The following CNTNAP2 variants were observed in gnomAD, a reference collection of about 807,000 sequenced individuals.
CNTNAP2 encodes contactin-associated protein-like 2.
A neutral mutation model predicts 155.2 loss-of-function variants in CNTNAP2; 98 were observed. The observed-to-expected ratio is 0.63, with a 90% confidence interval of 0.54 to 0.75. CNTNAP2 has a LOEUF of 0.75. Ranked by LOEUF, CNTNAP2 falls within the 30% of genes least tolerant of loss-of-function variation. CNTNAP2 has a pLI of 0.00. For missense variants in CNTNAP2, 1,727 were observed against 1,688.1 expected, an observed-to-expected ratio of 1.02 and a Z score of -0.40; for synonymous variants, 651 against 631.2, an observed-to-expected ratio of 1.03 and a Z score of -0.47.
intron 18 of CNTNAP2, chr7:148,190,009 A>ACGGCTGC (rs1562989343): frequency 6.6e-6 from 1 of 152,192 alleles, no homozygotes; most frequent in Non-Finnish European, 1.5e-5. Context: ...AGCTCTCCTG[A>ACGGCTGC]CACCTGTGCT....
intron 1 of CNTNAP2, among the ~76,000 whole-genome samples, chr7:146,141,579 C>T (rs891577715): frequency 6.6e-6 from 1 of 151,980 alleles, no homozygotes; most frequent in African/African-American, 2.4e-5. Flanking sequence ...GTTTTAGATT[C>T]ACTTGTGAAT....
At chr7:147,236,535 A>C (rs1309904797) in intron 8 of CNTNAP2, among the ~76,000 whole-genome samples, 2 of 141,812 alleles carry the variant, frequency 1.4e-5, no homozygotes, top group Non-Finnish European at 3.1e-5. Flanking sequence ...GTTTGTACTC[A>C]CTCTCACTTG....
chr7:146,469,518 CTTTT>C (rs544057518), intron 1 of CNTNAP2, among the ~76,000 whole-genome samples: 2 of 129,062 alleles, frequency 1.5e-5, no homozygotes, highest in African/African-American at 5.8e-5. Context: ...TAATAATTGA[CTTTT>C]TTTTTTTTTT....
rs1313299572 is a variant in CNTNAP2, at chr7:147,120,521, C to CT, written c.755-453dup. ...CAGTCATAAAACACTCATTTTCCCC[C>CT]TTTTTAAAAAAGCACTTTTTTCCAT... On this transcript the variant is annotated intron_variant, in intron 5 of 23. Coordinates refer to ENST00000361727, the MANE Select transcript of CNTNAP2 (RefSeq NM_014141.6). 2.0e-5 allele frequency among the ~76,000 whole-genome samples: 3 copies of CT among 152,126 alleles called. No individual in the cohort carries two copies. The East Asian group carries it at 5.8e-4, about 29-fold the overall frequency.
chr7:147,632,036 A>G (rs1795094982), intron 12 of CNTNAP2, among the ~76,000 whole-genome samples: 1 of 152,218 alleles, frequency 6.6e-6, no homozygotes, highest in Non-Finnish European at 1.5e-5. Flanking sequence ...TCAGCAGAGT[A>G]AACAGACAAC....
intron 3 of CNTNAP2, among the ~76,000 whole-genome samples, chr7:146,856,229 G>GT (rs1562974951): frequency 6.6e-6 from 1 of 151,576 alleles, no homozygotes; most frequent in Non-Finnish European, 1.5e-5. Flanking sequence ...TGATAGGTAG[G>GT]TAGGTAGACA....
Position 146,796,852 on chromosome 7 carries a change from C to G in CNTNAP2, c.208+22471C>G, listed in dbSNP as rs1035578346. ...GTGAAGCACTCATTAAGAAAACATT[C>G]TTGGCCGGGCGCGGTGGCTCACACC... On this transcript the variant is annotated intron_variant, in intron 2 of 23. Coordinates refer to ENST00000361727, the MANE Select transcript of CNTNAP2 (RefSeq NM_014141.6). Among the ~76,000 whole-genome samples, 7 of 152,082 alleles carry G rather than the reference C, an allele frequency of 4.6e-5. 1 individual carries two copies. The Middle Eastern group carries it at 0.017, about 369-fold the overall frequency.
intron 4 of CNTNAP2, among the ~76,000 whole-genome samples, chr7:147,073,200 T>A (rs1241302291): frequency 4.7e-5 from 7 of 147,562 alleles, no homozygotes; most frequent in African/African-American, 1.8e-4. Flanking sequence ...GAAAATGTGG[T>A]ACATATATTC....
chr7:147,614,877 G>A (rs1801252352), intron 12 of CNTNAP2, among the ~76,000 whole-genome samples: 1 of 151,394 alleles, frequency 6.6e-6, no homozygotes, highest in Non-Finnish European at 1.5e-5. Flanking sequence ...AATGTACTAT[G>A]TTGCATTAAT....
chr7:147,623,232 G>A lies in CNTNAP2; in HGVS notation c.1898-15874G>A, dbSNP rs141544420. On this transcript the variant is annotated intron_variant, in intron 12 of 23. Coordinates refer to ENST00000361727, the MANE Select transcript of CNTNAP2 (RefSeq NM_014141.6). ...CCTACTTTCACCACTGTTATTCAAC[G>A]TAATACTGAAAGTCCTAAGCTAGAG... 5.7e-3 allele frequency among the ~76,000 whole-genome samples: 865 copies of A among 152,104 alleles called. 9 individuals carry two copies. The highest frequency in any genetic ancestry group is 0.02 in the African/African-American group (825 of 41,544).
intron 13 of CNTNAP2, among the ~76,000 whole-genome samples, chr7:147,775,293 ATTT>A (rs1797553829): frequency 2.0e-5 from 1 of 50,784 alleles, no homozygotes; most frequent in African/African-American, 1.5e-4. Context: ...AAATATATAT[ATTT>A]ATATATATTT....
In CNTNAP2 at chr7:147,452,834, C is replaced by T. The variant is rs1313403909; in HGVS notation, c.1671-33101C>T. On this transcript the variant is annotated intron_variant, in intron 10 of 23. Coordinates refer to ENST00000361727, the MANE Select transcript of CNTNAP2 (RefSeq NM_014141.6). ...GAGATAGAAGGTAAAGAAAGACAAA[C>T]GTAGAGTAATGTGGAAAGGAAGGGG... Among the ~76,000 whole-genome samples, 12 of 149,452 alleles carry T rather than the reference C, an allele frequency of 8.0e-5. No homozygotes were observed. In the East Asian group the frequency reaches 1.2e-3, roughly 15 times the overall value.
chr7:147,430,174 C>T (rs565075788), intron 10 of CNTNAP2, among the ~76,000 whole-genome samples: 2 of 152,144 alleles, frequency 1.3e-5, no homozygotes, highest in Admixed American at 1.3e-4. Context: ...TCCCATTTTC[C>T]CTCTCAACTC....
chr7:147,365,401 A>AAAAAAAAAC (rs1796213443), intron 9 of CNTNAP2, among the ~76,000 whole-genome samples: 5 of 150,832 alleles, frequency 3.3e-5, no homozygotes, highest in African/African-American at 9.7e-5. Context: ...AAAAAAAAAA[A>AAAAAAAAAC]AAAAAAACAA....
At chr7:146,541,363 T>A (rs1052071100) in intron 1 of CNTNAP2, among the ~76,000 whole-genome samples, 3 of 152,042 alleles carry the variant, frequency 2.0e-5, no homozygotes, top group African/African-American at 7.2e-5. Context: ...GAGAGACCTA[T>A]CTGGTCTATG....
intron 3 of CNTNAP2, among the ~76,000 whole-genome samples, chr7:146,967,537 T>A (rs1303085544): frequency 6.6e-6 from 1 of 152,186 alleles, no homozygotes; most frequent in Non-Finnish European, 1.5e-5. Flanking sequence ...CCCTTGTAAG[T>A]TGGATTCCTA....
chr7:147,476,911 G>A (rs1317231458), intron 10 of CNTNAP2, among the ~76,000 whole-genome samples: 1 of 136,670 alleles, frequency 7.3e-6, no homozygotes, highest in Non-Finnish European at 1.5e-5. Context: ...CTGGGTGACA[G>A]AGCGAGACTC....
intron 21 of CNTNAP2, among the ~76,000 whole-genome samples, chr7:148,337,386 T>C (rs1025934830): frequency 6.6e-6 from 1 of 152,172 alleles, no homozygotes; most frequent in Non-Finnish European, 1.5e-5. Flanking sequence ...TGACAAGCCC[T>C]GGCCCTAGGC....
chr7:146,395,081 A>G (rs541244719), intron 1 of CNTNAP2, among the ~76,000 whole-genome samples: 6 of 145,558 alleles, frequency 4.1e-5, no homozygotes, highest in African/African-American at 1.0e-4. Context: ...TTTCTTTCTT[A>G]TGGCCGAGTA....
Sources: allele counts gnomAD v4.1 joint callset (sites outside exome capture counted in the v4.1 genomes callset), GRCh38; gene constraint gnomAD v4.1.1; transcripts MANE v1.5; gene names NCBI Gene and HGNC (gene_info 2026-07-23, HGNC 2026-07-21).